USP36: variants seen among roughly 807,000 people sequenced by gnomAD.
The protein encoded by USP36 is ubiquitin specific peptidase 36.
USP36 carries 59 observed loss-of-function variants against 111.5 expected under a neutral mutation model. That is an observed-to-expected ratio of 0.53 (90% confidence interval 0.43 to 0.66). USP36 has a LOEUF of 0.66. USP36 is among the 30% of genes least tolerant of loss of function. USP36 has a pLI of 0.00. For missense variants in USP36, 1,488 were observed against 1,468.0 expected, an observed-to-expected ratio of 1.01 and a Z score of -0.22; for synonymous variants, 628 against 581.0, an observed-to-expected ratio of 1.08 and a Z score of -1.16.
chr17:78,830,862 T>C (rs891714881), intron 4 of USP36, among the ~76,000 whole-genome samples: 7 of 151,986 alleles, frequency 4.6e-5, no homozygotes, highest in African/African-American at 1.7e-4. Context: ...TATATCCATG[T>C]TATTACTTTT....
At chr17:78,816,088 A>G (rs1336596685) in intron 10 of USP36, among the ~76,000 whole-genome samples, 3 of 152,112 alleles carry the variant, frequency 2.0e-5, no homozygotes, top group Admixed American at 1.3e-4. Context: ...CAGAGCCCAC[A>G]TGACAGGATT....
In USP36 at chr17:78,807,246, C is replaced by T. The variant is rs143161068; in HGVS notation, c.1798G>A (p.Asp600Asn). ...CTCCTGTCGAGGCCAGCGCTCTCGT[C>T]GTTCCCCTTCAGCCCATGCCCGTTG... ...TANGHGLKGN[D>N]ESAGLDRRGS... Residue 600 changes from aspartate to asparagine, a missense_variant, in exon 14 of 21, where the codon GAC (aspartate) becomes AAC (asparagine). By Grantham distance (23) the Asp-to-Asn change is conservative. Coordinates refer to ENST00000449938, the MANE Select transcript of USP36 (RefSeq NM_001385174.1). 5.6e-6 allele frequency: 9 copies of T among 1,613,970 alleles called. No homozygotes were observed. Among genetic ancestry groups the T allele is most frequent in the East Asian group, 2.2e-5 (1 of 44,892 alleles).
chr17:78,822,651 C>T (rs1277493732), intron 6 of USP36, among the ~76,000 whole-genome samples: 2 of 152,236 alleles, frequency 1.3e-5, no homozygotes, highest in Admixed American at 6.5e-5. Context: ...TCTTCTCACC[C>T]GGACCCGGGG....
Position 78,826,963 on chromosome 17 carries a change from T to C in USP36, c.689+282A>G, listed in dbSNP as rs1025057618. On this transcript the variant is annotated intron_variant, in intron 6 of 20. Transcript: ENST00000449938. The stretch of plus-strand genomic sequence containing the variant: ...GTCTGCTAACATATTTCCCCCTGAC[T>C]GAGCTGCTCAGACACAGCTGCCGCC... The C allele has an allele frequency of 6.5e-6, 4 of 617,632 alleles. No homozygotes were observed. The East Asian group carries it at 8.2e-5, about 13-fold the overall frequency. 38.3% of individuals were successfully genotyped at this position (617,632 alleles called of 1,614,324 possible).
intron 10 of USP36, among the ~76,000 whole-genome samples, chr17:78,816,259 A>G (rs2145302623): frequency 6.6e-6 from 1 of 152,062 alleles, no homozygotes; most frequent in South Asian, 2.1e-4. Context: ...TCCTGGACTC[A>G]AGCAATCCTC....
At chr17:78,821,138 G>T in intron 7 of USP36, 77 bp from the exon 8 acceptor site, 5 of 1,421,776 alleles carry the variant, frequency 3.5e-6, no homozygotes, top group Non-Finnish European at 4.8e-6. Context: ...AGACCCAGCA[G>T]GGAGGCAGAC....
intron 17 of USP36, among the ~76,000 whole-genome samples, chr17:78,800,868 G>A (rs892995149): frequency 2.6e-5 from 4 of 152,014 alleles, no homozygotes; most frequent in East Asian, 3.9e-4. Flanking sequence ...GGACCCTGGC[G>A]CACCGCAAGT....
Position 78,835,351 on chromosome 17 carries a change from G to C in USP36, c.404C>G (p.Ala135Gly). 1 of 1,614,198 alleles carries C rather than the reference G, an allele frequency of 6.2e-7. No homozygotes were observed. The highest frequency in any genetic ancestry group is 1.1e-5 in the South Asian group (1 of 91,090). ...TGTGTAGGTCAAGCACTGGATGGTGGCATTGAGAAAGCAGGTGTTGCCAAG... is the reference window on the plus strand; with the variant it reads ...TGTGTAGGTCAAGCACTGGATGGTGCCATTGAGAAAGCAGGTGTTGCCAAG... ...HNLGNTCFLN[A>G]TIQCLTYTPP... The change falls in exon 4 of 21, where the codon GCC becomes GGC. Residue 135 changes from alanine (A) to glycine (G), a missense_variant. By Grantham distance (60) the Ala-to-Gly change is moderately conservative. This residue lies in a region of USP36 where 219 missense variants were observed against 209.5 expected (regional missense o/e 1.05). Coordinates refer to ENST00000449938, the MANE Select transcript of USP36 (RefSeq NM_001385174.1).
chr17:78,834,840 G>A (rs2068496618), intron 4 of USP36, among the ~76,000 whole-genome samples: 1 of 151,992 alleles, frequency 6.6e-6, no homozygotes, highest in South Asian at 2.1e-4. Flanking sequence ...ATTGGGCTAG[G>A]CATGGTGGCT....
chr17:78,817,908 C>T (rs2145333933), intron 10 of USP36, among the ~76,000 whole-genome samples: 1 of 152,144 alleles, frequency 6.6e-6, no homozygotes. Context: ...CAGCAAGATG[C>T]TGTCTCTACA....
chr17:78,798,479 G>A lies in USP36; in HGVS notation c.3313C>T (p.Arg1105Trp), dbSNP rs145444440. 150 of 1,614,180 alleles carry A rather than the reference G, an allele frequency of 9.3e-5. No homozygotes were observed. In the African/African-American group the frequency reaches 1.7e-3, roughly 18 times the overall value. The change falls in exon 20 of 21, where the codon CGG becomes TGG. Residue 1105 changes from arginine (R) to tryptophan (W), a missense_variant. Physicochemically the swap from Arg to Trp is moderately radical, Grantham distance 101 (BLOSUM62 -3). Coordinates refer to ENST00000449938, the MANE Select transcript of USP36 (RefSeq NM_001385174.1). The surrounding 1 kb of genome is among the most constrained non-coding windows in gnomAD (Gnocchi z 5.1). ...GGGTGAGTCACAGACCAGAAGTTCC[G>A]TCGAGTCTGAAGTTTCTGGAAGGCG... Reference protein sequence around the residue: ...FNAFQKLQTRRNFWSVTHPAK... With the variant: ...FNAFQKLQTRWNFWSVTHPAK...
intron 12 of USP36, 22 bp downstream of exon 12, chr17:78,813,751 G>A: frequency 1.2e-6 from 2 of 1,608,064 alleles, no homozygotes; most frequent in East Asian, 2.2e-5. Flanking sequence ...GAGCTCATCT[G>A]GGGAGGGCGT....
At chr17:78,793,412 G>A (rs1231409267), downstream of USP36, among the ~76,000 whole-genome samples, 1 of 152,178 alleles carries the variant, frequency 6.6e-6, no homozygotes, top group Non-Finnish European at 1.5e-5. Context: ...CAGCCAGACA[G>A]CCCTGAAAGC....
In USP36 at chr17:78,828,977, A is replaced by T. The variant is rs1378214324; in HGVS notation, c.506T>A (p.Val169Asp). Reference sequence around the variant, plus strand: ...GGCCTGGACAATGTGGTTCTGCATGACACACAGCATGCAGAAGCTTCCCTG... The same window carrying T: ...GGCCTGGACAATGTGGTTCTGCATGTCACACAGCATGCAGAAGCTTCCCTG... ...CHQGSFCMLC[V>D]MQNHIVQAFA... The change falls in exon 5 of 21, where the codon GTC becomes GAC. Residue 169 changes from valine (V) to aspartate (D), a missense_variant. This residue lies in a region of USP36 where 196 missense variants were observed against 264.4 expected (regional missense o/e 0.74). Transcript: ENST00000449938. 5.6e-6 allele frequency: 9 copies of T among 1,613,982 alleles called. No homozygotes were observed. Among genetic ancestry groups the T allele is most frequent in the African/African-American group, 1.3e-5 (1 of 74,952 alleles).
At chr17:78,834,031 G>C (rs2068406699) in intron 4 of USP36, among the ~76,000 whole-genome samples, 1 of 152,240 alleles carries the variant, frequency 6.6e-6, no homozygotes, top group Non-Finnish European at 1.5e-5. Context: ...TGGATCACCT[G>C]AGGTCACGAG....
At position 78,798,357 on chromosome 17, in the gene USP36, C is replaced by T; in HGVS notation, c.*20+43G>A. 6.2e-7 allele frequency: 1 copy of T among 1,606,574 alleles called. No individual in the cohort carries two copies. The highest frequency in any genetic ancestry group is 1.7e-5 in the Admixed American group (1 of 59,642). ...CACCCCTACACACATACACGGCACA[C>T]ACACCCCCACCTCACCCTTACACCC... On this transcript the variant is annotated intron_variant, in intron 20 of 20. Coordinates refer to ENST00000449938, the MANE Select transcript of USP36 (RefSeq NM_001385174.1). The surrounding 1 kb of genome is among the most constrained non-coding windows in gnomAD (Gnocchi z 5.1).
intron 12 of USP36, 111 bp from the exon 13 acceptor site, chr17:78,813,112 C>G (rs2094107452): frequency 7.3e-7 from 1 of 1,372,670 alleles, no homozygotes; most frequent in Non-Finnish European, 1.0e-6. Flanking sequence ...CTGGGGAAAC[C>G]CTGCCAGTCC....
chr17:78,805,513 A>G (rs2093874475), intron 15 of USP36, among the ~76,000 whole-genome samples: 1 of 151,526 alleles, frequency 6.6e-6, no homozygotes, highest in South Asian at 2.1e-4. Context: ...CCGCCTCATG[A>G]CTCACCCCAT....
intron 10 of USP36, among the ~76,000 whole-genome samples, chr17:78,815,060 G>A (rs1205194526): frequency 6.7e-6 from 1 of 148,258 alleles, no homozygotes; most frequent in Non-Finnish European, 1.5e-5. Flanking sequence ...CTGGCCAGGT[G>A]CGGTGGCTCA....
Sources: allele counts gnomAD v4.1 joint callset (sites outside exome capture counted in the v4.1 genomes callset), GRCh38; gene constraint gnomAD v4.1.1; regional missense constraint gnomAD v4.1.1; non-coding constraint Gnocchi (gnomAD v3.1); transcripts MANE v1.5; gene names NCBI Gene and HGNC (gene_info 2026-07-23, HGNC 2026-07-21).